Variants in PIGK observed in about 807,000 individuals in gnomAD.
PIGK encodes GPI-anchor transamidase.
In PIGK, 42 loss-of-function variants were observed where a neutral mutation model predicts 50.6. The observed-to-expected ratio is 0.83, with a 90% CI of 0.65 to 1.07. The LOEUF is 1.07. Among genes scored for constraint, PIGK ranks in the 50% least tolerant of loss-of-function variants. The pLI is 0.00. For missense variants in PIGK, 448 were observed against 488.7 expected, an observed-to-expected ratio of 0.92 and a Z score of 0.78; for synonymous variants, 151 against 156.0, an observed-to-expected ratio of 0.97 and a Z score of 0.24.
chr1:77,141,979 C>T (rs1049798270), intron 9 of PIGK, among the ~76,000 whole-genome samples: 1 of 151,878 alleles, frequency 6.6e-6, no homozygotes, highest in African/African-American at 2.4e-5. Context: ...CCATTTTTCC[C>T]CCACAATAAA....
intron 9 of PIGK, among the ~76,000 whole-genome samples, chr1:77,137,822 G>T (rs113664656): frequency 6.6e-6 from 1 of 152,128 alleles, no homozygotes; most frequent in South Asian, 2.1e-4. Context: ...CAGGCTGGTC[G>T]TGAACTACTA....
At chr1:77,198,796 C>A (rs1656091491) in intron 3 of PIGK, among the ~76,000 whole-genome samples, 1 of 151,868 alleles carries the variant, frequency 6.6e-6, no homozygotes, top group South Asian at 2.1e-4. Context: ...AAAAGAAGCC[C>A]CTTCTCTCTA....
chr1:77,136,328 G>A (rs962104026), intron 9 of PIGK, among the ~76,000 whole-genome samples: 14 of 151,824 alleles, frequency 9.2e-5, no homozygotes, highest in Non-Finnish European at 1.8e-4. Flanking sequence ...AGGAGATCGA[G>A]ACCATCCCGG....
intron 3 of PIGK, among the ~76,000 whole-genome samples, chr1:77,188,822 G>T (rs1655820508): frequency 6.6e-6 from 1 of 152,076 alleles, no homozygotes. Context: ...AAATAGAAAA[G>T]AACCTATGTG....
At chr1:77,113,870 C>T (rs955292330) in intron 10 of PIGK, among the ~76,000 whole-genome samples, 8 of 152,078 alleles carry the variant, frequency 5.3e-5, no homozygotes, top group African/African-American at 1.9e-4. Flanking sequence ...GCACTCTCCC[C>T]TATCATTTTT....
At chr1:77,147,287 C>T (rs1484384968) in intron 9 of PIGK, among the ~76,000 whole-genome samples, 1 of 151,696 alleles carries the variant, frequency 6.6e-6, no homozygotes, top group African/African-American at 2.4e-5. Context: ...CCTCCCACAA[C>T]ACATGGGAAT....
intron 10 of PIGK, 91 bp downstream of exon 10, chr1:77,122,175 TCAGCTATAG>T: frequency 1.4e-6 from 1 of 727,224 alleles, no homozygotes. Context: ...AGAATGCCTT[TCAGCTATAG>T]CACATTGATT....
At chr1:77,116,371 G>C (rs113946166) in intron 10 of PIGK, among the ~76,000 whole-genome samples, 6,115 of 151,958 alleles carry the variant, frequency 0.04, 325 homozygotes, top group African/African-American at 0.13. Context: ...GTTTTTAGTA[G>C]AGACGGGGTT....
chr1:77,130,483 T>C (rs1353943326), intron 9 of PIGK, among the ~76,000 whole-genome samples: 1 of 152,052 alleles, frequency 6.6e-6, no homozygotes, highest in Non-Finnish European at 1.5e-5. Context: ...ACCTATCCTT[T>C]CCTCCAAGTA....
intron 1 of PIGK, among the ~76,000 whole-genome samples, chr1:77,217,935 G>C (rs1356911547): frequency 1.3e-5 from 2 of 152,176 alleles, no homozygotes; most frequent in East Asian, 1.9e-4. Flanking sequence ...AGATGAAGCA[G>C]TCAAAGTTAG....
intron 10 of PIGK, among the ~76,000 whole-genome samples, chr1:77,117,921 G>A (rs2100525378): frequency 6.6e-6 from 1 of 152,124 alleles, no homozygotes; most frequent in Middle Eastern, 3.4e-3. Context: ...CTCAATTTAT[G>A]CCAATTTATA....
chr1:77,130,184 AT>A (rs1007544881), intron 9 of PIGK, among the ~76,000 whole-genome samples: 2 of 115,098 alleles, frequency 1.7e-5, no homozygotes, highest in African/African-American at 7.8e-5. Context: ...CTTTGTTTGC[AT>A]TGTCTTTTTT....
At chr1:77,111,102 A>C (rs1260664521) in intron 10 of PIGK, among the ~76,000 whole-genome samples, 8 of 152,138 alleles carry the variant, frequency 5.3e-5, no homozygotes, top group Non-Finnish European at 8.8e-5. Flanking sequence ...AAAAGTCAGG[A>C]AACAACAGGT....
At chr1:77,141,726 ATACTT>A (rs1172797375) in intron 9 of PIGK, among the ~76,000 whole-genome samples, 2 of 152,134 alleles carry the variant, frequency 1.3e-5, no homozygotes, top group Admixed American at 6.5e-5. Flanking sequence ...GTAGAAAAAC[ATACTT>A]TAAACAATAT....
chr1:77,121,851 G>A (rs1185454602), intron 10 of PIGK, among the ~76,000 whole-genome samples: 1 of 152,184 alleles, frequency 6.6e-6, no homozygotes, highest in African/African-American at 2.4e-5. Flanking sequence ...CTTTGCAAGG[G>A]TTGATGATTG....
chr1:77,150,237 A>C (rs992618864), intron 9 of PIGK, among the ~76,000 whole-genome samples: 1 of 151,928 alleles, frequency 6.6e-6, no homozygotes, highest in African/African-American at 2.4e-5. Flanking sequence ...TAAGGATCAG[A>C]CTGGGCGCAG....
At chr1:77,179,485 T>C (rs1262983366) in intron 3 of PIGK, among the ~76,000 whole-genome samples, 1 of 152,206 alleles carries the variant, frequency 6.6e-6, no homozygotes, top group Non-Finnish European at 1.5e-5. Flanking sequence ...GGAGCCATAC[T>C]TCACTCTTAT....
intron 9 of PIGK, chr1:77,129,737 A>T: frequency 1.4e-6 from 1 of 718,224 alleles, no homozygotes; most frequent in Non-Finnish European, 2.0e-6. Flanking sequence ...AAATAAATAA[A>T]TATTTACTAT....
intron 9 of PIGK, among the ~76,000 whole-genome samples, chr1:77,146,795 TA>T (rs967485709): frequency 7.7e-4 from 109 of 141,958 alleles, no homozygotes; most frequent in South Asian, 1.1e-3. Flanking sequence ...AGACTCTGTC[TA>T]AAAAAAAAAA....
Sources: allele counts gnomAD v4.1 joint callset (sites outside exome capture counted in the v4.1 genomes callset), GRCh38; gene constraint gnomAD v4.1.1; transcripts MANE v1.5; gene names NCBI Gene and HGNC (gene_info 2026-07-23, HGNC 2026-07-21).